The following SUGCT variants were observed in gnomAD, a reference collection of about 807,000 sequenced individuals.
The protein encoded by SUGCT is succinyl-CoA:glutarate CoA-transferase.
In SUGCT, 41 loss-of-function variants were observed where a neutral mutation model predicts 55.0. The ratio of observed to expected loss-of-function variants is 0.74; its 90% CI spans 0.58 to 0.97. The LOEUF is 0.97. Ranked by LOEUF, SUGCT falls within the 50% of genes least tolerant of loss-of-function variation. The pLI, the probability that SUGCT is intolerant of heterozygous loss-of-function variation, is 0.00. For missense variants in SUGCT, 568 were observed against 547.8 expected, an observed-to-expected ratio of 1.04 and a Z score of -0.37; for synonymous variants, 187 against 200.4, an observed-to-expected ratio of 0.93 and a Z score of 0.56.
intron 1 of SUGCT, among the ~76,000 whole-genome samples, chr7:40,162,826 A>C (rs140282856): frequency 6.6e-6 from 1 of 152,144 alleles, no homozygotes; most frequent in East Asian, 1.9e-4. Flanking sequence ...GAAGATTGCC[A>C]CTAAAAGGAC....
At chr7:40,268,382 T>C (rs1477838343) in intron 7 of SUGCT, among the ~76,000 whole-genome samples, 1 of 152,240 alleles carries the variant, frequency 6.6e-6, no homozygotes, top group African/African-American at 2.4e-5. Context: ...TTCTCTCACT[T>C]AGCATAATAT....
intron 12 of SUGCT, among the ~76,000 whole-genome samples, chr7:40,518,369 T>C (rs1007309768): frequency 2.6e-5 from 4 of 152,156 alleles, no homozygotes; most frequent in African/African-American, 9.7e-5. Flanking sequence ...GTTATGAGAC[T>C]ATTTTATCTG....
intron 13 of SUGCT, among the ~76,000 whole-genome samples, chr7:40,827,731 CTT>C (rs925334353): frequency 2.6e-5 from 4 of 152,188 alleles, no homozygotes; most frequent in Admixed American, 2.6e-4. Flanking sequence ...TCAGGGGAGT[CTT>C]TACCATCCAG....
At chr7:40,738,776 G>T (rs1304339152) in intron 12 of SUGCT, among the ~76,000 whole-genome samples, 1 of 152,176 alleles carries the variant, frequency 6.6e-6, no homozygotes, top group Non-Finnish European at 1.5e-5. Context: ...AAAGCCATTT[G>T]CTGTAAGTAA....
the SUGCT span, among the ~76,000 whole-genome samples, chr7:40,988,843 A>G: frequency 2.6e-5 from 4 of 152,164 alleles, no homozygotes; most frequent in Non-Finnish European, 5.9e-5. Flanking sequence ...CAGTTAATAT[A>G]TGGCTTTGCC....
intron 9 of SUGCT, among the ~76,000 whole-genome samples, chr7:40,409,344 G>A (rs752826196): frequency 1.3e-5 from 2 of 151,876 alleles, no homozygotes; most frequent in African/African-American, 2.4e-5. Flanking sequence ...GCTCACAGCA[G>A]CCTTGACTTC....
chr7:40,636,849 A>C (rs556667574), intron 12 of SUGCT, among the ~76,000 whole-genome samples: 1 of 152,252 alleles, frequency 6.6e-6, no homozygotes, highest in South Asian at 2.1e-4. Flanking sequence ...TTGGTCTTAA[A>C]ATTTTTTAAA....
At chr7:40,238,347 A>G (rs186114727) in intron 7 of SUGCT, among the ~76,000 whole-genome samples, 57 of 152,280 alleles carry the variant, frequency 3.7e-4, no homozygotes, top group African/African-American at 1.3e-3. Flanking sequence ...AGTTCCTAAC[A>G]AGTATTTAGA....
the SUGCT span, among the ~76,000 whole-genome samples, chr7:40,868,386 A>G: frequency 6.6e-6 from 1 of 151,990 alleles, no homozygotes; most frequent in Non-Finnish European, 1.5e-5. Context: ...CTTATTGTTC[A>G]ACTCCCACTT....
the SUGCT span, among the ~76,000 whole-genome samples, chr7:40,936,637 G>C: frequency 6.6e-6 from 1 of 151,120 alleles, no homozygotes; most frequent in Non-Finnish European, 1.5e-5. Context: ...CTTACTCCTT[G>C]TTTTGTGTTT....
the SUGCT span, among the ~76,000 whole-genome samples, chr7:41,031,679 C>T: frequency 6.6e-6 from 1 of 152,174 alleles, no homozygotes; most frequent in Non-Finnish European, 1.5e-5. Context: ...AGAAGGCCAA[C>T]ATTCTTCTTC....
chr7:41,014,182 C>G, the SUGCT span, among the ~76,000 whole-genome samples: 3 of 152,096 alleles, frequency 2.0e-5, no homozygotes, highest in Admixed American at 6.5e-5. Context: ...TATGTGAGAC[C>G]TCTGCACTAT....
In SUGCT at chr7:40,195,059, A is replaced by C; in HGVS notation, c.483A>C (p.Thr161=). The change falls in exon 6 of 14, where the codon ACA becomes ACC. Residue 161 remains threonine (T), a splice_region_variant and synonymous_variant. Coordinates refer to ENST00000335693, the MANE Select transcript of SUGCT (RefSeq NM_001193313.2). ...IAPHIIYCSI[T]GYGQTGPISQ... is the part of the protein sequence containing the mutation. ...CTCACATCATCTATTGTTCCATCAC[A>C]GGTATTTCAACCCCACACCCTTGTC... 2 of 1,612,316 alleles carry C rather than the reference A, an allele frequency of 1.2e-6. No homozygotes were observed. The highest frequency in any genetic ancestry group is 4.5e-5 in the East Asian group (2 of 44,832).
the SUGCT span, among the ~76,000 whole-genome samples, chr7:41,036,104 A>G: frequency 6.6e-6 from 1 of 152,196 alleles, no homozygotes; most frequent in Non-Finnish European, 1.5e-5. Context: ...AGTCTTGCTT[A>G]CTTGACTGGT....
chr7:40,402,436 A>G (rs1786126527), intron 9 of SUGCT, among the ~76,000 whole-genome samples: 1 of 152,320 alleles, frequency 6.6e-6, no homozygotes, highest in East Asian at 1.9e-4. Flanking sequence ...TCAATTAAGA[A>G]AGTCAACTTA....
chr7:40,472,440 C>T (rs1790450613), intron 11 of SUGCT, among the ~76,000 whole-genome samples: 8 of 152,096 alleles, frequency 5.3e-5, no homozygotes, highest in Admixed American at 5.2e-4. Flanking sequence ...CTAGCAACGG[C>T]ATAAAGGAAT....
At chr7:40,559,158 A>G (rs1795710111) in intron 12 of SUGCT, among the ~76,000 whole-genome samples, 1 of 152,282 alleles carries the variant, frequency 6.6e-6, no homozygotes, top group African/African-American at 2.4e-5. Flanking sequence ...TGATTTTATA[A>G]AAGCTCTCCA....
intron 13 of SUGCT, among the ~76,000 whole-genome samples, chr7:40,758,243 T>C (rs1285520982): frequency 6.6e-6 from 1 of 152,052 alleles, no homozygotes; most frequent in Non-Finnish European, 1.5e-5. Flanking sequence ...AGGGACTTCT[T>C]GGTGCATGAA....
In SUGCT at chr7:40,667,551, G is replaced by A. The variant is rs142737996; in HGVS notation, c.1090-81883G>A. Among the ~76,000 whole-genome samples, 208 of 150,432 alleles carry A rather than the reference G, an allele frequency of 1.4e-3. 6 individuals carry two copies. The East Asian group carries it at 0.033, about 24-fold the overall frequency. On this transcript the variant is annotated intron_variant, in intron 12 of 13. Coordinates refer to ENST00000335693, the MANE Select transcript of SUGCT (RefSeq NM_001193313.2). The stretch of plus-strand genomic sequence containing the variant: ...TTTCTTTGTATGTCTGGTAGAATTC[G>A]ACTATGAATCTACATCTGGCCCAGG...
Sources: allele counts gnomAD v4.1 joint callset (sites outside exome capture counted in the v4.1 genomes callset), GRCh38; gene constraint gnomAD v4.1.1; transcripts MANE v1.5; gene names NCBI Gene and HGNC (gene_info 2026-07-23, HGNC 2026-07-21).